CCDC88C: variants seen among roughly 807,000 people sequenced by gnomAD.
CCDC88C encodes the protein protein Daple.
In CCDC88C, 131 loss-of-function variants were observed where a neutral mutation model predicts 198.8. That is an observed-to-expected ratio of 0.66 (90% CI 0.57 to 0.76). CCDC88C has a LOEUF of 0.76. CCDC88C is among the 30% of genes least tolerant of loss of function. The pLI, the probability that CCDC88C is intolerant of heterozygous loss-of-function variation, is 0.00. For missense variants in CCDC88C, 2,553 were observed against 2,631.6 expected (o/e 0.97, Z 0.65); for synonymous variants, 1,166 against 1,114.7 (o/e 1.05, Z -0.92).
intron 2 of CCDC88C, among the ~76,000 whole-genome samples, chr14:91,409,451 A>G (rs1425018012): frequency 6.6e-6 from 1 of 151,346 alleles, no homozygotes; most frequent in Non-Finnish European, 1.5e-5. Context: ...CTGGGATGAC[A>G]GGTGTGAGCC....
intron 4 of CCDC88C, among the ~76,000 whole-genome samples, chr14:91,354,363 G>A (rs184291673): frequency 7.2e-5 from 11 of 152,334 alleles, no homozygotes; most frequent in African/African-American, 2.6e-4. Flanking sequence ...GCCAGAGCTG[G>A]AGGGACCCCG....
chr14:91,417,594 T>G, intron 1 of CCDC88C, 37 bp downstream of exon 1: 1 of 1,563,508 alleles, frequency 6.4e-7, no homozygotes, highest in Non-Finnish European at 8.7e-7. Flanking sequence ...GAGAAGCCGG[T>G]GCACCAACAA....
At chr14:91,301,688 G>C (rs929893946) in intron 20 of CCDC88C, among the ~76,000 whole-genome samples, 6 of 152,230 alleles carry the variant, frequency 3.9e-5, no homozygotes, top group African/African-American at 1.4e-4. Flanking sequence ...CTGCACTCCA[G>C]CCTGGGCGAC....
chr14:91,281,893 C>CA (rs1471464806), intron 26 of CCDC88C, among the ~76,000 whole-genome samples: 1 of 152,152 alleles, frequency 6.6e-6, no homozygotes, highest in Non-Finnish European at 1.5e-5. Flanking sequence ...TTTCAGCAGT[C>CA]AAGCTGTCTT....
intron 10 of CCDC88C, among the ~76,000 whole-genome samples, chr14:91,327,966 C>T (rs934341101): frequency 1.3e-5 from 2 of 152,222 alleles, no homozygotes; most frequent in Non-Finnish European, 2.9e-5. Flanking sequence ...CTTCTGGGCT[C>T]CTAGTGTTCT....
rs186962968 is a variant in CCDC88C, at chr14:91,404,473, G to A, written c.270+4186C>T. On this transcript the variant is annotated intron_variant, in intron 3 of 29. Transcript: ENST00000389857. Reference sequence around the variant, plus strand: ...TGGTTCCAGTGGTTCCCATGGGCATGTGCGTCAGAATCACCTGGGGGCCTG... The same window carrying A: ...TGGTTCCAGTGGTTCCCATGGGCATATGCGTCAGAATCACCTGGGGGCCTG... Among the ~76,000 whole-genome samples the A allele has an allele frequency of 1.1e-4, 16 of 152,314 alleles. No individual in the cohort carries two copies. The East Asian group carries it at 2.1e-3, about 20-fold the overall frequency.
chr14:91,343,781 G>T, intron 4 of CCDC88C, 124 bp from the exon 5 acceptor site: 1 of 1,065,748 alleles, frequency 9.4e-7, no homozygotes, highest in Non-Finnish European at 1.4e-6. Flanking sequence ...ATTCACTTAG[G>T]TATACACACT....
rs757767641 is a variant in CCDC88C at position 91,321,295 on chromosome 14, T to C, written c.1352A>G (p.Lys451Arg). 1.9e-6 allele frequency: 3 copies of C among 1,554,638 alleles called. No homozygotes were observed. The South Asian group carries it at 3.6e-5, about 18-fold the overall frequency. The change falls in exon 13 of 30, where the codon AAG becomes AGG. Residue 451 changes from lysine (K) to arginine (R), a missense_variant. Lys to Arg is a conservative substitution (Grantham distance 26). Transcript: ENST00000389857. ...KNADLSDASR[K>R]SFVFELNECA... ...TTCGTTCAGCTCAAACACAAACGAC[T>C]TCCTGGAGGCTGAAGACAAAGTCCA...
Position 91,338,688 on chromosome 14 carries a change from G to A in CCDC88C, c.810-118C>T, listed in dbSNP as rs900622814. 4.1e-6 allele frequency: 3 copies of A among 730,356 alleles called. No individual in the cohort carries two copies. In the South Asian group the frequency reaches 4.8e-5, roughly 12 times the overall value. 45.2% of individuals were successfully genotyped at this position (730,356 alleles called of 1,614,324 possible). On this transcript the variant is annotated intron_variant, in intron 8 of 29. Transcript: ENST00000389857. The surrounding 1 kb of genome is among the most constrained non-coding windows in gnomAD (Gnocchi z 4.8). ...AAGGAAAGGACTCGGGATTTGGGCG[G>A]TGGGGAGGCGATCTGCTTATGGGGC...
At position 91,345,190 on chromosome 14, in the gene CCDC88C, A is replaced by ATT. The variant is rs58941451; in HGVS notation, c.341-1535_341-1534dup. ...TTTATATATATATATATATATATATATTTTTTTTTTTTTTTTTTTTGAGAC... is the reference window on the plus strand; with the variant it reads ...TTTATATATATATATATATATATATATTTTTTTTTTTTTTTTTTTTTTGAGAC... On this transcript the variant is annotated intron_variant, in intron 4 of 29. Transcript: ENST00000389857. Among the ~76,000 whole-genome samples the ATT allele has an allele frequency of 2.9e-3, 152 of 52,176 alleles. 1 individual carries two copies. Among genetic ancestry groups the ATT allele is most frequent in the East Asian group, 5.1e-3 (9 of 1,766 alleles). 34.2% of individuals were successfully genotyped at this position (52,176 alleles called of 152,430 possible).
intron 27 of CCDC88C, chr14:91,281,206 G>T: frequency 2.2e-6 from 2 of 906,898 alleles, no homozygotes; most frequent in Non-Finnish European, 3.3e-6. Context: ...GGTGCTTGAA[G>T]GCATGAAGAG....
At position 91,283,397 on chromosome 14, in the gene CCDC88C, G is replaced by A. The variant is rs746579410; in HGVS notation, c.4562C>T (p.Ser1521Leu). 1 of 1,613,842 alleles carries A rather than the reference G, an allele frequency of 6.2e-7. No individual in the cohort carries two copies. Among genetic ancestry groups the A allele is most frequent in the Admixed American group, 1.7e-5 (1 of 60,006 alleles). The change falls in exon 26 of 30, where the codon TCA (serine) becomes TTA (leucine). Residue 1521 changes from serine (S) to leucine (L), a missense_variant. Ser to Leu is a moderately radical substitution (Grantham distance 145). Coordinates refer to ENST00000389857, the MANE Select transcript of CCDC88C (RefSeq NM_001080414.4). ...WPSELGSRTC[S>L]TSATTTAPSN... ...AGGGGCTGTAGTGGTGGCTGAAGTT[G>A]AGCAAGTCCGGGAGCCCAGCTCCGA...
intron 3 of CCDC88C, among the ~76,000 whole-genome samples, chr14:91,380,534 A>G (rs1368719260): frequency 2.9e-5 from 2 of 68,272 alleles, no homozygotes; most frequent in Non-Finnish European, 6.6e-5. Flanking sequence ...ATTCAACAAC[A>G]AGCAAGATTG....
At chr14:91,326,929 A>T (rs1252529835) in intron 10 of CCDC88C, among the ~76,000 whole-genome samples, 1 of 152,224 alleles carries the variant, frequency 6.6e-6, no homozygotes, top group Non-Finnish European at 1.5e-5. Context: ...AGCTCCACAA[A>T]TGTATACAGC....
rs763616610 is a variant in CCDC88C at position 91,340,006 on chromosome 14, T to A, written c.502A>T (p.Asn168Tyr). Residue 168 changes from asparagine (N) to tyrosine (Y), a missense_variant, in exon 7 of 30, where the codon AAC becomes TAC. Asn to Tyr is a moderately radical substitution (Grantham distance 143). Around this residue, in one of 2 missense-constraint regions of CCDC88C, gnomAD observed 1,260 missense variants for 1,412.0 expected, o/e 0.89. Coordinates refer to ENST00000389857, the MANE Select transcript of CCDC88C (RefSeq NM_001080414.4). ...TCCAGCCACTGCAGGTCAAACACGTTCTCTTGGTTGTGAGTCACCTGTGGG... is the reference window on the plus strand; with the variant it reads ...TCCAGCCACTGCAGGTCAAACACGTACTCTTGGTTGTGAGTCACCTGTGGG... ...HIQEVTHNQE[N>Y]VFDLQWLELP... 33 of 1,609,132 alleles carry A rather than the reference T, an allele frequency of 2.1e-5. No individual in the cohort carries two copies. Among genetic ancestry groups the A allele is most frequent in the Non-Finnish European group, 2.7e-5 (32 of 1,178,428 alleles).
At chr14:91,379,852 G>C (rs1336629792) in intron 3 of CCDC88C, 2 of 702,976 alleles carry the variant, frequency 2.8e-6, no homozygotes, top group Admixed American at 2.0e-5. Flanking sequence ...GTGTCTGCCC[G>C]CAAGAAGTTT....
At position 91,271,674 on chromosome 14, in the gene CCDC88C, G is replaced by T. The variant is rs1453600352; in HGVS notation, c.*951C>A. On this transcript the variant is annotated 3_prime_UTR_variant, in exon 30 of 30. Coordinates refer to ENST00000389857, the MANE Select transcript of CCDC88C (RefSeq NM_001080414.4). ...TTCACATGAGTGTGTACATATACAT[G>T]TCATATATTAAAAAAAATTGGTTTC... 1 of 152,162 alleles carries T rather than the reference G, an allele frequency of 6.6e-6. No individual in the cohort carries two copies. Among genetic ancestry groups the T allele is most frequent in the Admixed American group, 6.5e-5 (1 of 15,280 alleles). 9.4% of individuals were successfully genotyped at this position (152,162 alleles called of 1,614,324 possible).
At chr14:91,334,743 G>A (rs1177398146) in intron 10 of CCDC88C, among the ~76,000 whole-genome samples, 5 of 152,166 alleles carry the variant, frequency 3.3e-5, no homozygotes, top group Non-Finnish European at 7.3e-5. Context: ...TCAAGGTAAC[G>A]CCGGGCCTTG....
intron 4 of CCDC88C, among the ~76,000 whole-genome samples, chr14:91,349,549 G>A (rs1893693717): frequency 6.6e-6 from 1 of 152,214 alleles, no homozygotes; most frequent in Non-Finnish European, 1.5e-5. Flanking sequence ...CGGGGATCGA[G>A]AAACATCAGA....
Sources: allele counts gnomAD v4.1 joint callset (sites outside exome capture counted in the v4.1 genomes callset), GRCh38; gene constraint gnomAD v4.1.1; regional missense constraint gnomAD v4.1.1; non-coding constraint Gnocchi (gnomAD v3.1); transcripts MANE v1.5; gene names NCBI Gene and HGNC (gene_info 2026-07-23, HGNC 2026-07-21).